Variants in DYRK1A observed in about 807,000 individuals in gnomAD.
DYRK1A encodes the protein dual specificity tyrosine-phosphorylation-regulated kinase 1A.
DYRK1A carries 9 observed loss-of-function variants against 79.7 expected under a neutral mutation model. That is an observed-to-expected ratio of 0.11 (90% confidence interval 0.07 to 0.20). DYRK1A has a LOEUF of 0.20. Ranked by LOEUF, DYRK1A falls within the 10% of genes least tolerant of loss-of-function variation. DYRK1A has a pLI of 1.00. For synonymous variants in DYRK1A, 349 were observed against 329.7 expected (o/e 1.06, Z -0.63); for missense variants, 622 against 956.0 (o/e 0.65, Z 4.61).
intron 2 of DYRK1A, among the ~76,000 whole-genome samples, chr21:37,424,946 C>T (rs998780222): frequency 1.3e-5 from 2 of 152,046 alleles, no homozygotes; most frequent in Non-Finnish European, 2.9e-5. Context: ...AAATCTTCAA[C>T]AGGCAAAAAG....
intron 2 of DYRK1A, among the ~76,000 whole-genome samples, chr21:37,423,907 T>C (rs2050546336): frequency 6.6e-6 from 1 of 152,144 alleles, no homozygotes; most frequent in South Asian, 2.1e-4. Flanking sequence ...CTTAAAACCG[T>C]TTGTGGCAGA....
intron 1 of DYRK1A, among the ~76,000 whole-genome samples, chr21:37,390,187 T>C (rs758217054): frequency 9.2e-5 from 14 of 152,152 alleles, no homozygotes; most frequent in Non-Finnish European, 1.5e-4. Context: ...CCAGAGAATA[T>C]GTCTTTGATG....
At chr21:37,379,718 C>A (rs1169189718) in intron 1 of DYRK1A, among the ~76,000 whole-genome samples, 1 of 152,126 alleles carries the variant, frequency 6.6e-6, no homozygotes, top group Non-Finnish European at 1.5e-5. Flanking sequence ...AGTAGCTGAG[C>A]ATGTGAGCAG....
rs1205617246 is a variant in DYRK1A at position 37,518,720 on chromosome 21, A to T, written c.*6189A>T. 1 of 149,332 alleles carries T rather than the reference A, an allele frequency of 6.7e-6. No homozygotes were observed. The highest frequency in any genetic ancestry group is 1.5e-5 in the Non-Finnish European group (1 of 67,782). 9.3% of individuals were successfully genotyped at this position (149,332 alleles called of 1,614,324 possible). A position where few individuals can be genotyped will look rare whatever the true frequency, so the allele number is the denominator to read the frequency against. On this transcript the variant is annotated 3_prime_UTR_variant, in exon 12 of 12. Transcript: ENST00000647188. ...AACCTCCATTTCCCAGATTCAAGCG[A>T]TTCTCGTGCCTCAGCCTTTCAAGTA... is the stretch of plus-strand genomic sequence containing the variant.
intron 1 of DYRK1A, among the ~76,000 whole-genome samples, chr21:37,394,742 C>T (rs776177859): frequency 6.6e-6 from 1 of 152,182 alleles, no homozygotes; most frequent in African/African-American, 2.4e-5. Context: ...CCACCTCCTC[C>T]TGTCCGTGGA....
rs1291455730 is a variant in DYRK1A, at chr21:37,516,672, G to C, written c.*4141G>C. The C allele has an allele frequency of 1.3e-5, 2 of 152,122 alleles. No individual in the cohort carries two copies. Among genetic ancestry groups the C allele is most frequent in the Non-Finnish European group, 2.9e-5 (2 of 68,020 alleles). 9.4% of individuals were successfully genotyped at this position (152,122 alleles called of 1,614,324 possible). On this transcript the variant is annotated 3_prime_UTR_variant, in exon 12 of 12. Transcript: ENST00000647188. ...TTTTGTGGAAGACATGTTCATTGAG[G>C]TAAGTGGCTCATCGCTTGGTGTGTT...
chr21:37,390,033 C>T (rs1405334586), intron 1 of DYRK1A, among the ~76,000 whole-genome samples: 2 of 151,820 alleles, frequency 1.3e-5, no homozygotes, highest in South Asian at 2.1e-4. Flanking sequence ...AAGTGATCCT[C>T]CTGCCTCAGC....
In DYRK1A at chr21:37,514,330, TTGACCAATTTTGGGGTG is replaced by T. The variant is rs1374578945; in HGVS notation, c.*1804_*1820del. 6.6e-6 allele frequency: 1 copy of T among 152,642 alleles called. No individual in the cohort carries two copies. The highest frequency in any genetic ancestry group is 1.5e-5 in the Non-Finnish European group (1 of 68,036). The allele number at this position is 152,642 out of a possible 1,614,324, so 9.5% of individuals were successfully genotyped here. On this transcript the variant is annotated 3_prime_UTR_variant, in exon 12 of 12. Transcript: ENST00000647188. ...GCTAAATTTGTGTTCCCATTTTAAA[TTGACCAATTTTGGGGTG>T]TGACACTTTTGAGCGGTTGAATTGG...
intron 1 of DYRK1A, among the ~76,000 whole-genome samples, chr21:37,409,791 T>C (rs2050211072): frequency 6.6e-6 from 1 of 152,206 alleles, no homozygotes; most frequent in Non-Finnish European, 1.5e-5. Context: ...CTTCTAAAAC[T>C]GTGCTTTGGG....
chr21:37,429,850 T>TA (rs1438471043), intron 2 of DYRK1A, among the ~76,000 whole-genome samples: 1 of 152,248 alleles, frequency 6.6e-6, no homozygotes, highest in East Asian at 1.9e-4. Context: ...CGTTTCCACT[T>TA]ACAGGGGTAA....
chr21:37,368,368 A>C (rs559209244), intron 1 of DYRK1A, among the ~76,000 whole-genome samples: 1 of 152,314 alleles, frequency 6.6e-6, no homozygotes, highest in South Asian at 2.1e-4. Flanking sequence ...CTCGCTTCGG[A>C]GCCACCAAAG....
intron 1 of DYRK1A, among the ~76,000 whole-genome samples, chr21:37,387,086 G>A (rs1403245306): frequency 6.6e-6 from 1 of 152,166 alleles, no homozygotes; most frequent in Non-Finnish European, 1.5e-5. Context: ...CCTAAATGGA[G>A]GTGGGTGTGC....
chr21:37,521,274 A>G lies in DYRK1A; in HGVS notation c.*8743A>G, dbSNP rs2053933558. The G allele has an allele frequency of 6.6e-6, 1 of 152,272 alleles. No homozygotes were observed. The allele number at this position is 152,272 out of a possible 1,614,324, so 9.4% of individuals were successfully genotyped here. On this transcript the variant is annotated 3_prime_UTR_variant, in exon 12 of 12. Transcript: ENST00000647188. ...TTCCTTTTACTGGCAAAATTAAAACAGTGAACTTGAAATATCTCCCCTACT... is the reference window on the plus strand; with the variant it reads ...TTCCTTTTACTGGCAAAATTAAAACGGTGAACTTGAAATATCTCCCCTACT...
At chr21:37,423,318 T>C (rs1439791054) in intron 2 of DYRK1A, among the ~76,000 whole-genome samples, 1 of 151,944 alleles carries the variant, frequency 6.6e-6, no homozygotes, top group Non-Finnish European at 1.5e-5. Flanking sequence ...TCCCTCCTCC[T>C]CCCCCATTCA....
At chr21:37,438,868 G>T (rs1379208972) in intron 2 of DYRK1A, among the ~76,000 whole-genome samples, 1 of 152,122 alleles carries the variant, frequency 6.6e-6, no homozygotes, top group Non-Finnish European at 1.5e-5. Context: ...AAGTTTGCTA[G>T]GATGTTGATT....
chr21:37,380,513 A>AC (rs2049635017), intron 1 of DYRK1A, among the ~76,000 whole-genome samples: 1 of 152,142 alleles, frequency 6.6e-6, no homozygotes, highest in African/African-American at 2.4e-5. Context: ...CAGCAATATT[A>AC]GAGACAGCTA....
chr21:37,523,592 G>A lies in DYRK1A; in HGVS notation c.*11061G>A, dbSNP rs2053949642. ...CTATCGGCTGTTCAGGAACAGGAGA[G>A]CTCTGGAAGAGCAGGGACGACTTTG... On this transcript the variant is annotated 3_prime_UTR_variant, in exon 12 of 12. Transcript: ENST00000647188. The A allele has an allele frequency of 6.6e-6, 1 of 152,196 alleles. No homozygotes were observed. The highest frequency in any genetic ancestry group is 2.4e-5 in the African/African-American group (1 of 41,446). 9.4% of individuals were successfully genotyped at this position (152,196 alleles called of 1,614,324 possible). A position where few individuals can be genotyped will look rare whatever the true frequency, so the allele number is the denominator to read the frequency against.
intron 1 of DYRK1A, among the ~76,000 whole-genome samples, chr21:37,371,039 A>G (rs1398681647): frequency 3.3e-5 from 5 of 152,218 alleles, no homozygotes; most frequent in Non-Finnish European, 7.3e-5. Flanking sequence ...TCAACTTTGG[A>G]TTAAAAAGTT....
At chr21:37,380,601 A>G (rs911398864) in intron 1 of DYRK1A, among the ~76,000 whole-genome samples, 1 of 152,174 alleles carries the variant, frequency 6.6e-6, no homozygotes, top group Non-Finnish European at 1.5e-5. Context: ...TAAGACAAAG[A>G]TACAGACATG....
Sources: allele counts gnomAD v4.1 joint callset (sites outside exome capture counted in the v4.1 genomes callset), GRCh38; gene constraint gnomAD v4.1.1; transcripts MANE v1.5; gene names NCBI Gene and HGNC (gene_info 2026-07-23, HGNC 2026-07-21).